TRNAU1AP: variants seen among roughly 807,000 people sequenced by gnomAD.
TRNAU1AP encodes the protein tRNA selenocysteine 1 associated protein 1.
Under a neutral mutation model 43.3 loss-of-function variants are expected in TRNAU1AP, and 33 were observed. The ratio of observed to expected loss-of-function variants is 0.76; its 90% confidence interval spans 0.58 to 1.02. The LOEUF is 1.02. Among genes scored for constraint, TRNAU1AP ranks in the 50% least tolerant of loss-of-function variants. TRNAU1AP has a pLI of 0.00. For synonymous variants in TRNAU1AP, 143 were observed against 129.1 expected (o/e 1.11, Z -0.73); for missense variants, 290 against 362.7 (o/e 0.80, Z 1.63).
intron 2 of TRNAU1AP, among the ~76,000 whole-genome samples, chr1:28,556,451 GA>G (rs1557431158): frequency 6.6e-6 from 1 of 151,278 alleles, no homozygotes; most frequent in Non-Finnish European, 1.5e-5. Context: ...GTGACAGAGG[GA>G]AACTTTGTTG....
intron 2 of TRNAU1AP, among the ~76,000 whole-genome samples, chr1:28,556,962 C>G (rs1665278567): frequency 6.6e-6 from 1 of 151,478 alleles, no homozygotes; most frequent in Non-Finnish European, 1.5e-5. Context: ...CAGGCGTGAG[C>G]CACTGCGCCC....
In TRNAU1AP at chr1:28,559,216, C is replaced by T. The variant is rs180795828; in HGVS notation, c.126-1417C>T. ...CCTGCCGAGTAGCTGGAACTACAGG[C>T]GCCTACCACCATGCCTGGCTAATTT... On this transcript the variant is annotated intron_variant, in intron 2 of 8. Transcript: ENST00000373830. 3.9e-3 allele frequency among the ~76,000 whole-genome samples: 599 copies of T among 152,040 alleles called. 2 individuals are homozygous for T. Among genetic ancestry groups the T allele is most frequent in the Non-Finnish European group, 5.8e-3 (393 of 67,968 alleles).
In TRNAU1AP at chr1:28,578,501, C is replaced by T. The variant is rs1259426423; in HGVS notation, c.*865C>T. The T allele has an allele frequency of 1.7e-5, 5 of 297,022 alleles. No homozygotes were observed. The highest frequency in any genetic ancestry group is 6.7e-5 in the African/African-American group (3 of 45,028). The allele number at this position is 297,022 out of a possible 1,614,324, so 18.4% of individuals were successfully genotyped here. On this transcript the variant is annotated 3_prime_UTR_variant, in exon 9 of 9. Transcript: ENST00000373830. ...TGGATTGCTTGAGCTCGGGAAGAGA[C>T]CAGTTCGGTCTCTACAAAAAAATAC... is the stretch of plus-strand genomic sequence containing the variant.
intron 5 of TRNAU1AP, among the ~76,000 whole-genome samples, chr1:28,566,902 T>C (rs1324116551): frequency 6.6e-6 from 1 of 152,276 alleles, no homozygotes; most frequent in East Asian, 1.9e-4. Flanking sequence ...CTGTGACTGC[T>C]GCATCCTGTG....
At chr1:28,573,954 G>A (rs1416665225) in intron 8 of TRNAU1AP, among the ~76,000 whole-genome samples, 7 of 151,344 alleles carry the variant, frequency 4.6e-5, no homozygotes, top group Non-Finnish European at 7.4e-5. Context: ...AAAAACAACA[G>A]TATTTACTGT....
chr1:28,575,821 G>A (rs943251662), intron 8 of TRNAU1AP, among the ~76,000 whole-genome samples: 7 of 141,644 alleles, frequency 4.9e-5, no homozygotes, highest in Non-Finnish European at 1.1e-4. Context: ...GCCTCCCAAA[G>A]TGCTGGGATT....
At chr1:28,577,438 T>C (rs2124224706) in intron 8 of TRNAU1AP, 62 bp from the exon 9 acceptor site, 2 of 1,578,520 alleles carry the variant, frequency 1.3e-6, no homozygotes, top group Non-Finnish European at 1.7e-6. Context: ...AGAAGGGAAC[T>C]GAACCAGGTC....
Position 28,553,600 on chromosome 1 carries a change from G to C in TRNAU1AP, c.28-40G>C, listed in dbSNP as rs1665183785. 4 of 1,599,486 alleles carry C rather than the reference G, an allele frequency of 2.5e-6. No individual in the cohort carries two copies. In the East Asian group the frequency reaches 6.7e-5, roughly 27 times the overall value. Reference sequence around the variant, plus strand: ...CTCTGGAACCCGGAGTGGGAAGCCCGGCCGCCGGCCTGAGCCGCTGTGCTC... The same window carrying C: ...CTCTGGAACCCGGAGTGGGAAGCCCCGCCGCCGGCCTGAGCCGCTGTGCTC... On this transcript the variant is annotated intron_variant, in intron 1 of 8. Transcript: ENST00000373830.
chr1:28,553,945 C>T, intron 2 of TRNAU1AP: 1 of 489,676 alleles, frequency 2.0e-6, no homozygotes, highest in Non-Finnish European at 3.7e-6. Context: ...CACCTGTAAT[C>T]CCAGCACTTT....
At chr1:28,574,248 C>T (rs377470608) in intron 8 of TRNAU1AP, among the ~76,000 whole-genome samples, 5 of 151,838 alleles carry the variant, frequency 3.3e-5, no homozygotes, top group African/African-American at 9.7e-5. Flanking sequence ...CCACCACGCT[C>T]GGCTAATTTT....
chr1:28,564,616 G>A, intron 4 of TRNAU1AP, 87 bp from the exon 5 acceptor site: 1 of 1,504,082 alleles, frequency 6.6e-7, no homozygotes. Flanking sequence ...AGGGGCCTGG[G>A]AGAGGTTTAC....
In TRNAU1AP at chr1:28,561,354, T is replaced by C. The variant is rs1665400027; in HGVS notation, c.234T>C (p.Arg78=). Residue 78 remains arginine (R), a synonymous_variant, in exon 4 of 9, where the codon CGT becomes CGC. Coordinates refer to ENST00000373830, the MANE Select transcript of TRNAU1AP (RefSeq NM_017846.5). ...KPLPGATPAK[R]FKLNYATYGK... ...TGTTTTTCAACTTCCAGGCGAAACG[T>C]TTTAAACTGAACTATGCCACTTACG... 1.2e-6 allele frequency: 2 copies of C among 1,614,042 alleles called. No individual in the cohort carries two copies. Among genetic ancestry groups the C allele is most frequent in the Non-Finnish European group, 1.7e-6 (2 of 1,180,028 alleles).
At chr1:28,574,884 G>A (rs910320450) in intron 8 of TRNAU1AP, among the ~76,000 whole-genome samples, 1 of 152,150 alleles carries the variant, frequency 6.6e-6, no homozygotes, top group Non-Finnish European at 1.5e-5. Context: ...ACTTTCTTGT[G>A]TCCTCTCATG....
chr1:28,575,301 C>T (rs547787945), intron 8 of TRNAU1AP, among the ~76,000 whole-genome samples: 14 of 151,836 alleles, frequency 9.2e-5, no homozygotes, highest in Non-Finnish European at 1.3e-4. Flanking sequence ...ACTACAGATG[C>T]GCGCCACCAC....
intron 5 of TRNAU1AP, among the ~76,000 whole-genome samples, chr1:28,566,533 A>G (rs1280835472): frequency 1.3e-5 from 2 of 151,970 alleles, no homozygotes; most frequent in African/African-American, 4.8e-5. Flanking sequence ...CGGGTGGATC[A>G]TGAGGTCAGA....
At chr1:28,560,296 T>TTA (rs1553121921) in intron 2 of TRNAU1AP, among the ~76,000 whole-genome samples, 43 of 150,650 alleles carry the variant, frequency 2.9e-4, no homozygotes, top group African/African-American at 1.0e-3. Context: ...TTTTTTTTTT[T>TTA]AAAACAGTCT....
intron 2 of TRNAU1AP, among the ~76,000 whole-genome samples, chr1:28,557,405 G>C (rs1049383103): frequency 6.7e-6 from 1 of 149,802 alleles, no homozygotes; most frequent in East Asian, 2.0e-4. Flanking sequence ...GGGCGACAAA[G>C]TGAGACTCTG....
intron 1 of TRNAU1AP, chr1:28,553,348 T>TG (rs1464730064): frequency 1.6e-6 from 1 of 644,098 alleles, no homozygotes. Flanking sequence ...CCTGGGTTCG[T>TG]GGGAGGGAAA....
intron 8 of TRNAU1AP, among the ~76,000 whole-genome samples, chr1:28,576,634 T>G (rs1665789210): frequency 7.4e-6 from 1 of 134,378 alleles, no homozygotes; most frequent in Non-Finnish European, 1.6e-5. Context: ...GGTTTTGCTC[T>G]TGTTGCCCAG....
Sources: gnomAD v4.1 joint callset for allele counts (sites outside exome capture counted in the v4.1 genomes callset) on GRCh38, gnomAD v4.1.1 for gene constraint, MANE v1.5 for transcripts, NCBI Gene and HGNC (gene_info 2026-07-23, HGNC 2026-07-21) for gene names.